Variants in CSGALNACT1 observed in about 807,000 individuals in gnomAD.
CSGALNACT1 encodes beta4GalNAcT-1.
Under a neutral mutation model 51.0 loss-of-function variants are expected in CSGALNACT1, and 52 were observed. The ratio of observed to expected loss-of-function variants is 1.02; its 90% CI spans 0.82 to 1.29. The LOEUF is 1.29. CSGALNACT1 is among the 50% of genes most tolerant of loss of function. The pLI is 0.00. For synonymous variants in CSGALNACT1, 341 were observed against 254.4 expected (o/e 1.34, Z -3.24); for missense variants, 935 against 679.2 (o/e 1.38, Z -4.19).
intron 3 of CSGALNACT1, among the ~76,000 whole-genome samples, chr8:19,567,510 T>C (rs988440900): frequency 1.2e-4 from 19 of 152,366 alleles, no homozygotes; most frequent in African/African-American, 4.3e-4. Flanking sequence ...TTACAACAAC[T>C]CTACCATAGA....
At chr8:19,476,987 G>T (rs1001617265) in intron 4 of CSGALNACT1, among the ~76,000 whole-genome samples, 1 of 152,162 alleles carries the variant, frequency 6.6e-6, no homozygotes, top group Non-Finnish European at 1.5e-5. Context: ...TGACCCAGTT[G>T]CAGAATCTGT....
intron 3 of CSGALNACT1, among the ~76,000 whole-genome samples, chr8:19,515,836 C>T (rs981075460): frequency 6.6e-6 from 1 of 152,168 alleles, no homozygotes; most frequent in East Asian, 1.9e-4. Context: ...GCCACCCTTG[C>T]TTCAGGAAGA....
Position 19,658,473 on chromosome 8 carries a change from C to T in CSGALNACT1, c.-544+24000G>A, listed in dbSNP as rs538443387. On this transcript the variant is annotated intron_variant, in intron 1 of 9. Transcript: ENST00000332246. Reference sequence around the variant, plus strand: ...AAGAGGCCGGGCATGGTGGTTCATGCCTGTAATCCCAGCACTCTGGCAGGC... The same window carrying T: ...AAGAGGCCGGGCATGGTGGTTCATGTCTGTAATCCCAGCACTCTGGCAGGC... 3.3e-5 allele frequency among the ~76,000 whole-genome samples: 5 copies of T among 152,160 alleles called. No individual in the cohort carries two copies. The South Asian group carries it at 6.2e-4, about 19-fold the overall frequency.
At chr8:19,697,744 G>T (rs893609528) in intron 1 of CSGALNACT1, among the ~76,000 whole-genome samples, 1 of 152,152 alleles carries the variant, frequency 6.6e-6, no homozygotes, top group African/African-American at 2.4e-5. Context: ...ACTTGAAGGA[G>T]CTCAAGAGGC....
intron 1 of CSGALNACT1, among the ~76,000 whole-genome samples, chr8:19,608,038 C>A (rs1021550563): frequency 6.6e-6 from 1 of 152,210 alleles, no homozygotes; most frequent in African/African-American, 2.4e-5. Context: ...TTTCAGCAGG[C>A]TAACTGATGA....
chr8:19,516,375 C>G (rs773850091), intron 3 of CSGALNACT1, among the ~76,000 whole-genome samples: 26 of 152,110 alleles, frequency 1.7e-4, no homozygotes, highest in Admixed American at 5.9e-4. Flanking sequence ...GTTCAACCCG[C>G]TTCATAATCT....
At chr8:19,603,886 A>G (rs948205465), upstream of CSGALNACT1, among the ~76,000 whole-genome samples, 22 of 152,162 alleles carry the variant, frequency 1.4e-4, no homozygotes, top group Admixed American at 1.2e-3. Flanking sequence ...TAATAATCTA[A>G]TTTGTACTTT....
chr8:19,614,774 G>A (rs1214284503), intron 1 of CSGALNACT1, among the ~76,000 whole-genome samples: 6 of 152,158 alleles, frequency 3.9e-5, no homozygotes, highest in Non-Finnish European at 5.9e-5. Context: ...CAAACTGAAG[G>A]CAAGAAGGAA....
intron 3 of CSGALNACT1, among the ~76,000 whole-genome samples, chr8:19,558,498 G>C (rs1388579392): frequency 6.6e-6 from 1 of 152,086 alleles, no homozygotes; most frequent in Non-Finnish European, 1.5e-5. Context: ...TTCTTGAAAA[G>C]GGTATGTTAA....
exon 1 of CSGALNACT1, chr8:19,602,169 A>G (rs574645455): frequency 5.3e-4 from 110 of 208,214 alleles, no homozygotes; most frequent in African/African-American, 2.6e-3. Flanking sequence ...CTCGCAGGAA[A>G]GAAACGTGCC....
Position 19,597,285 on chromosome 8 carries a change from C to CT in CSGALNACT1, c.-416+4485dup, listed in dbSNP as rs35177349. ...GGTTGGGGCTGCCTCTATCTTCTTT[C>CT]TTTTTTTTTTTTTTTTTTTTTTTTT... On this transcript the variant is annotated intron_variant, in intron 2 of 9. Transcript: ENST00000454498. Among the ~76,000 whole-genome samples the CT allele has an allele frequency of 4.2e-3, 274 of 64,568 alleles. 25 individuals are homozygous for CT. Among genetic ancestry groups the CT allele is most frequent in the African/African-American group, 0.012 (167 of 14,414 alleles). The allele number at this position is 64,568 out of a possible 152,430, so 42.4% of individuals were successfully genotyped here.
intron 4 of CSGALNACT1, among the ~76,000 whole-genome samples, chr8:19,500,142 C>T (rs2076166034): frequency 6.6e-6 from 1 of 152,092 alleles, no homozygotes; most frequent in East Asian, 1.9e-4. Flanking sequence ...TCACACAGGC[C>T]TACTCCACAC....
intron 3 of CSGALNACT1, among the ~76,000 whole-genome samples, chr8:19,515,414 G>A (rs1462178168): frequency 1.3e-5 from 2 of 152,188 alleles, no homozygotes; most frequent in African/African-American, 2.4e-5. Context: ...CCCAGCCCAG[G>A]GGAATGGGCT....
At chr8:19,496,635 T>G (rs113715787) in intron 4 of CSGALNACT1, among the ~76,000 whole-genome samples, 2 of 152,072 alleles carry the variant, frequency 1.3e-5, no homozygotes, top group Non-Finnish European at 2.9e-5. Flanking sequence ...TGGAACTTAG[T>G]AGAGAGGTGA....
In CSGALNACT1 at chr8:19,457,482, G is replaced by A. The variant is rs114237683; in HGVS notation, c.851+944C>T. 4.7e-3 allele frequency: 1,811 copies of A among 386,216 alleles called. 33 individuals are homozygous for A. The highest frequency in any genetic ancestry group is 0.035 in the African/African-American group (1,682 of 47,396). 23.9% of individuals were successfully genotyped at this position (386,216 alleles called of 1,614,324 possible). On this transcript the variant is annotated intron_variant, in intron 5 of 9. Transcript: ENST00000454498. The stretch of plus-strand genomic sequence containing the variant: ...GCAAAAATTAGCCGGGCATGGTAAT[G>A]GGCATCTGTAATCCCAGCTACTTGG...
chr8:19,611,191 T>G (rs953333359), intron 1 of CSGALNACT1, among the ~76,000 whole-genome samples: 2 of 152,208 alleles, frequency 1.3e-5, no homozygotes, highest in African/African-American at 4.8e-5. Flanking sequence ...CAGAGGCAGA[T>G]TTCAGGATCA....
At chr8:19,515,865 C>CA (rs2079424562) in intron 3 of CSGALNACT1, among the ~76,000 whole-genome samples, 1 of 152,138 alleles carries the variant, frequency 6.6e-6, no homozygotes, top group African/African-American at 2.4e-5. Context: ...AGGTAGTTGG[C>CA]ATGGGTGGTG....
intron 3 of CSGALNACT1, among the ~76,000 whole-genome samples, chr8:19,527,519 A>G (rs2081948171): frequency 6.6e-6 from 1 of 152,210 alleles, no homozygotes. Flanking sequence ...CTGAGGACGG[A>G]AAATCGCTTG....
chr8:19,458,281 T>C (rs892281044), intron 5 of CSGALNACT1, 145 bp downstream of exon 4: 19 of 825,354 alleles, frequency 2.3e-5, no homozygotes, highest in African/African-American at 1.7e-4. Context: ...ATACAAATGA[T>C]AAACTTTACG....
Sources: gnomAD v4.1 joint callset for allele counts (sites outside exome capture counted in the v4.1 genomes callset) on GRCh38, gnomAD v4.1.1 for gene constraint, MANE v1.5 for transcripts, NCBI Gene and HGNC (gene_info 2026-07-23, HGNC 2026-07-21) for gene names.